The following ACSS2 variants were observed in gnomAD, a reference collection of about 807,000 sequenced individuals.
The protein encoded by ACSS2 is acetyl-coenzyme A synthetase, cytoplasmic.
Under a neutral mutation model 90.6 loss-of-function variants are expected in ACSS2, and 58 were observed. The ratio of observed to expected loss-of-function variants is 0.64; its 90% confidence interval spans 0.52 to 0.80. The LOEUF (loss-of-function observed/expected upper bound fraction) is 0.80. Ranked by LOEUF, ACSS2 falls within the 30% of genes least tolerant of loss-of-function variation. The pLI, the probability that ACSS2 is intolerant of heterozygous loss-of-function variation, is 0.00. For missense variants in ACSS2, 759 were observed against 912.0 expected (o/e 0.83, Z 2.16); for synonymous variants, 300 against 330.9 (o/e 0.91, Z 1.01).
intron 2 of ACSS2, among the ~76,000 whole-genome samples, chr20:34,888,655 A>G (rs2080256445): frequency 1.3e-5 from 2 of 152,224 alleles, no homozygotes; most frequent in African/African-American, 2.4e-5. Flanking sequence ...TACTATAGAA[A>G]AATATAGAGC....
At chr20:34,875,333 C>T (rs1400790496), upstream of ACSS2, among the ~76,000 whole-genome samples, 1 of 152,122 alleles carries the variant, frequency 6.6e-6, no homozygotes, top group African/African-American at 2.4e-5. Context: ...CTTTGGGAGC[C>T]CAAGGCGGGC....
chr20:34,890,258 C>T (rs1019861840), intron 2 of ACSS2, among the ~76,000 whole-genome samples: 1 of 152,256 alleles, frequency 6.6e-6, no homozygotes. Flanking sequence ...TGAAGGCACA[C>T]GTTCATCTGC....
At chr20:34,921,167 G>C in intron 10 of ACSS2, 28 bp downstream of exon 10, 1 of 1,614,082 alleles carries the variant, frequency 6.2e-7, no homozygotes. Context: ...TTGCTGCCCT[G>C]TGGGTATCCC....
intron 2 of ACSS2, among the ~76,000 whole-genome samples, chr20:34,910,269 C>G (rs1402035369): frequency 1.3e-5 from 2 of 152,158 alleles, no homozygotes; most frequent in Non-Finnish European, 2.9e-5. Flanking sequence ...TCATTCCACA[C>G]TAGTTGAATT....
intron 7 of ACSS2, among the ~76,000 whole-genome samples, chr20:34,914,833 G>A (rs933270981): frequency 3.9e-5 from 6 of 152,174 alleles, no homozygotes; most frequent in African/African-American, 1.2e-4. Context: ...ACCTTGGAAG[G>A]ACCAGAGTCC....
At chr20:34,913,289 C>G in intron 3 of ACSS2, 102 bp downstream of exon 3, 1 of 1,549,440 alleles carries the variant, frequency 6.5e-7, no homozygotes, top group Non-Finnish European at 8.9e-7. Flanking sequence ...AATTTGGTAA[C>G]AGAGGAAGAG....
chr20:34,878,944 G>T (rs2079994552), intron 1 of ACSS2, among the ~76,000 whole-genome samples: 1 of 128,592 alleles, frequency 7.8e-6, no homozygotes, highest in South Asian at 2.4e-4. Flanking sequence ...TCGCTCTGTC[G>T]CCCAGGCTGG....
At chr20:34,879,885 CAG>C (rs761340414) in intron 1 of ACSS2, among the ~76,000 whole-genome samples, 14 of 152,176 alleles carry the variant, frequency 9.2e-5, no homozygotes, top group Non-Finnish European at 1.8e-4. Context: ...TGGTCCTTGG[CAG>C]AGTTTCCTGT....
At chr20:34,903,611 C>T (rs777669732) in intron 2 of ACSS2, among the ~76,000 whole-genome samples, 8 of 152,016 alleles carry the variant, frequency 5.3e-5, no homozygotes, top group Non-Finnish European at 1.2e-4. Context: ...CTGGGTGTTT[C>T]TCCTCCTGTT....
At chr20:34,888,601 C>T (rs531230518) in intron 2 of ACSS2, among the ~76,000 whole-genome samples, 1 of 152,106 alleles carries the variant, frequency 6.6e-6, no homozygotes, top group African/African-American at 2.4e-5. Context: ...AGGAGACAGA[C>T]AATAAACATA....
At chr20:34,918,087 A>G (rs908077236) in intron 7 of ACSS2, among the ~76,000 whole-genome samples, 1 of 152,142 alleles carries the variant, frequency 6.6e-6, no homozygotes, top group Non-Finnish European at 1.5e-5. Flanking sequence ...CCCAGTAGTC[A>G]CTGAACTAAC....
At position 34,876,832 on chromosome 20, in the gene ACSS2, C is replaced by T. The variant is rs1245191944; in HGVS notation, c.178+9C>T. ...CGTGGAGGAGCCGCGGGGTGAGGCC[C>T]GGCCCGGGCGGGCCTGGGGTGTCAG... On this transcript the variant is annotated intron_variant, in intron 1 of 17. Transcript: ENST00000360596. 3.9e-6 allele frequency: 5 copies of T among 1,289,130 alleles called. No homozygotes were observed. The highest frequency in any genetic ancestry group is 2.5e-5 in the South Asian group (1 of 40,056). The allele number at this position is 1,289,130 out of a possible 1,614,324, so 79.9% of individuals were successfully genotyped here. A position where few individuals can be genotyped will look rare whatever the true frequency, so the allele number is the denominator to read the frequency against.
chr20:34,921,959 G>T, intron 13 of ACSS2, 93 bp downstream of exon 13: 1 of 1,526,588 alleles, frequency 6.6e-7, no homozygotes. Flanking sequence ...ATCTCTCCTG[G>T]TAGCTGCTTA....
In ACSS2 at chr20:34,925,868, C is replaced by G. The variant is rs2081307615; in HGVS notation, c.1726+102C>G. 5 of 1,347,200 alleles carry G rather than the reference C, an allele frequency of 3.7e-6. No homozygotes were observed. In the African/African-American group the frequency reaches 7.2e-5, roughly 20 times the overall value. 83.5% of individuals were successfully genotyped at this position (1,347,200 alleles called of 1,614,324 possible). A position where few individuals can be genotyped will look rare whatever the true frequency, so the allele number is the denominator to read the frequency against. On this transcript the variant is annotated intron_variant, in intron 15 of 17. Coordinates refer to ENST00000360596, the MANE Select transcript of ACSS2 (RefSeq NM_018677.4). ...GCCCAGGAGTGTCCTTTGGCCAGAC[C>G]ATGTACTAAGTGTAGCATTCAGTTC... is the stretch of plus-strand genomic sequence containing the variant.
chr20:34,909,822 T>C (rs2080904464), intron 2 of ACSS2, among the ~76,000 whole-genome samples: 1 of 151,706 alleles, frequency 6.6e-6, no homozygotes. Flanking sequence ...GTTCAAATGA[T>C]CCTCCCGCCT....
rs772177672 is a variant in ACSS2 at position 34,925,734 on chromosome 20, C to T, written c.1694C>T (p.Thr565Ile). 54 of 1,613,682 alleles carry T rather than the reference C, an allele frequency of 3.3e-5. No individual in the cohort carries two copies. The highest frequency in any genetic ancestry group is 1.0e-4 in the Admixed American group (6 of 59,976). Residue 565 changes from threonine (T) to isoleucine (I), a missense_variant, in exon 15 of 18, where the codon ACT (threonine) becomes ATT (isoleucine). Thr to Ile is a moderately conservative substitution (Grantham distance 89). Transcript: ENST00000360596. ...QRDQDGYYWITGRIDDMLNVS... is the reference protein window; with the variant it reads ...QRDQDGYYWIIGRIDDMLNVS... ...GACCAGGATGGCTATTACTGGATCA[C>T]TGGCAGGATTGATGACATGCTCAAT...
At position 34,926,093 on chromosome 20, in the gene ACSS2, T is replaced by A; in HGVS notation, c.1727-12T>A. ...GGGATCTCTCTCATGGCACTTCCTT[T>A]CCCTTGACAAGGACACCTGCTGAGT... On this transcript the variant is annotated splice_polypyrimidine_tract_variant and intron_variant, in intron 15 of 17. Transcript: ENST00000360596. 3 of 1,613,932 alleles carry A rather than the reference T, an allele frequency of 1.9e-6. No homozygotes were observed. Among genetic ancestry groups the A allele is most frequent in the Non-Finnish European group, 2.5e-6 (3 of 1,179,862 alleles).
chr20:34,916,379 G>A lies in ACSS2; in HGVS notation c.834+1942G>A, dbSNP rs79883028. 5.0e-4 allele frequency among the ~76,000 whole-genome samples: 76 copies of A among 152,264 alleles called. No individual in the cohort carries two copies. In the East Asian group the frequency reaches 0.011, roughly 21 times the overall value. On this transcript the variant is annotated intron_variant, in intron 7 of 17. Transcript: ENST00000360596. ...GGATAATAATTATACCTATGTTATC[G>A]GGTTTTGTCAATATATGTAAGGTGT...
intron 2 of ACSS2, among the ~76,000 whole-genome samples, chr20:34,911,674 A>G (rs190290213): frequency 6.6e-6 from 1 of 152,210 alleles, no homozygotes; most frequent in African/African-American, 2.4e-5. Flanking sequence ...TCATTTTTAT[A>G]TCATTCTGCT....
Sources: gnomAD v4.1 joint callset for allele counts (sites outside exome capture counted in the v4.1 genomes callset) on GRCh38, gnomAD v4.1.1 for gene constraint, MANE v1.5 for transcripts, NCBI Gene and HGNC (gene_info 2026-07-23, HGNC 2026-07-21) for gene names.